The following SEM1 variants were observed in gnomAD, a reference collection of about 807,000 sequenced individuals.
The protein encoded by SEM1 is 26S proteasome complex subunit SEM1.
A neutral mutation model predicts 12.7 loss-of-function variants in SEM1; 3 were observed. The ratio of observed to expected loss-of-function variants is 0.24; its 90% CI spans 0.11 to 0.61. The LOEUF (loss-of-function observed/expected upper bound fraction) is 0.61. Among genes scored for constraint, SEM1 ranks in the 20% least tolerant of loss-of-function variants. The pLI is 0.88. For missense variants in SEM1, 59 were observed against 81.3 expected, an observed-to-expected ratio of 0.73 and a Z score of 1.06; for synonymous variants, 30 against 27.8, an observed-to-expected ratio of 1.08 and a Z score of -0.25.
At chr7:96,673,918 G>C in intron 2 of SEM1, 1 of 747,984 alleles carries the variant, frequency 1.3e-6, no homozygotes, top group Non-Finnish European at 2.4e-6. Context: ...TGATCTGTGG[G>C]CTGCTTGACC....
chr7:96,594,257 G>A (rs1275260741), intron 2 of SEM1, among the ~76,000 whole-genome samples: 1 of 152,092 alleles, frequency 6.6e-6, no homozygotes, highest in East Asian at 1.9e-4. Flanking sequence ...TAAGCTTGTA[G>A]GTCCTGACAC....
chr7:96,671,350 T>A (rs78579106), downstream of SEM1, among the ~76,000 whole-genome samples: 4,139 of 152,254 alleles, frequency 0.027, 72 homozygotes, highest in Middle Eastern at 0.048. Flanking sequence ...GAACTCTCAC[T>A]ACATCTTATT....
chr7:96,701,072 GAC>G (rs1441852783), intron 1 of SEM1, among the ~76,000 whole-genome samples: 1 of 151,904 alleles, frequency 6.6e-6, no homozygotes, highest in African/African-American at 2.4e-5. Context: ...ATACATGTCA[GAC>G]ACAGCTCAAA....
chr7:96,645,898 A>T, intron 2 of SEM1: 1 of 398,382 alleles, frequency 2.5e-6, no homozygotes, highest in Non-Finnish European at 4.4e-6. Context: ...AGTCTTGCAG[A>T]ATGCCATCTT....
At chr7:96,583,281 T>G (rs1404050252) in intron 2 of SEM1, among the ~76,000 whole-genome samples, 2 of 148,030 alleles carry the variant, frequency 1.4e-5, no homozygotes, top group African/African-American at 5.0e-5. Flanking sequence ...GTTGAGCGGT[T>G]TTGAGTGAGT....
At chr7:96,486,574 G>A (rs1232002918) in intron 1 of SEM1, among the ~76,000 whole-genome samples, 1 of 152,084 alleles carries the variant, frequency 6.6e-6, no homozygotes, top group Non-Finnish European at 1.5e-5. Context: ...GTAAGAGCAG[G>A]GGCTTCTTTC....
chr7:96,575,676 G>A (rs1250522976), intron 2 of SEM1, among the ~76,000 whole-genome samples: 1 of 152,228 alleles, frequency 6.6e-6, no homozygotes, highest in East Asian at 1.9e-4. Flanking sequence ...CAGAGAGGAG[G>A]AATCCAGAGA....
At chr7:96,547,268 C>T (rs1012998867) in intron 2 of SEM1, among the ~76,000 whole-genome samples, 3 of 152,114 alleles carry the variant, frequency 2.0e-5, no homozygotes, top group African/African-American at 7.2e-5. Flanking sequence ...GAATCTCTGT[C>T]AGCAAAACAG....
At chr7:96,522,168 G>T (rs771017228) in intron 2 of SEM1, among the ~76,000 whole-genome samples, 9 of 152,042 alleles carry the variant, frequency 5.9e-5, no homozygotes, top group Non-Finnish European at 1.3e-4. Flanking sequence ...CATACATCAC[G>T]TGTAGTTCCT....
intron 2 of SEM1, among the ~76,000 whole-genome samples, chr7:96,631,482 T>A (rs1230879669): frequency 2.0e-5 from 3 of 151,500 alleles, no homozygotes; most frequent in Non-Finnish European, 3.0e-5. Context: ...ATGCCACTGC[T>A]GTCACAGGAT....
chr7:96,649,809 A>G (rs2116441249), intron 2 of SEM1: 1 of 152,270 alleles, frequency 6.6e-6, no homozygotes, highest in East Asian at 1.9e-4. Context: ...TGTAATAAAT[A>G]TTATTATTTC....
intron 2 of SEM1, among the ~76,000 whole-genome samples, chr7:96,625,233 C>G (rs941767315): frequency 5.3e-5 from 8 of 152,158 alleles, no homozygotes; most frequent in Admixed American, 2.6e-4. Context: ...CATCTACAAG[C>G]AATTCACACT....
At chr7:96,502,074 C>T (rs1441643748) in intron 3 of SEM1, among the ~76,000 whole-genome samples, 1 of 152,138 alleles carries the variant, frequency 6.6e-6, no homozygotes, top group Non-Finnish European at 1.5e-5. Context: ...TTTTTAATGG[C>T]TGCAGAGTAT....
At chr7:96,577,972 C>T (rs1806261278) in intron 2 of SEM1, among the ~76,000 whole-genome samples, 1 of 151,722 alleles carries the variant, frequency 6.6e-6, no homozygotes. Context: ...AAATAAGAGA[C>T]TCTTTAAGTA....
intron 2 of SEM1, among the ~76,000 whole-genome samples, chr7:96,564,087 T>G (rs552864358): frequency 1.2e-3 from 184 of 152,244 alleles, no homozygotes; most frequent in Non-Finnish European, 2.1e-3. Context: ...CTGTTTGGGC[T>G]GAATGTCTTT....
chr7:96,606,075 T>TG (rs1188920091), intron 2 of SEM1, among the ~76,000 whole-genome samples: 1 of 152,214 alleles, frequency 6.6e-6, no homozygotes, highest in African/African-American at 2.4e-5. Flanking sequence ...AAAGTAGCAA[T>TG]GTTGGCATAT....
upstream of SEM1, among the ~76,000 whole-genome samples, chr7:96,500,653 T>G (rs749135785): frequency 2.0e-5 from 3 of 152,162 alleles, no homozygotes; most frequent in Non-Finnish European, 2.9e-5. Context: ...ATGAAGGGAT[T>G]TGAGGTCTTC....
chr7:96,636,111 A>C (rs1808417366), intron 2 of SEM1, among the ~76,000 whole-genome samples: 1 of 152,090 alleles, frequency 6.6e-6, no homozygotes, highest in Admixed American at 6.6e-5. Context: ...ACCAAATTAA[A>C]TCAATTCAGT....
intron 2 of SEM1, among the ~76,000 whole-genome samples, chr7:96,668,153 A>G (rs1789218745): frequency 6.6e-6 from 1 of 152,234 alleles, no homozygotes; most frequent in Admixed American, 6.5e-5. Flanking sequence ...GTTATCAGAT[A>G]TTTTAATTTT....
Sources: gnomAD v4.1 joint callset for allele counts (sites outside exome capture counted in the v4.1 genomes callset) on GRCh38, gnomAD v4.1.1 for gene constraint, MANE v1.5 for transcripts, NCBI Gene and HGNC (gene_info 2026-07-23, HGNC 2026-07-21) for gene names.